DDX60: variants seen among roughly 807,000 people sequenced by gnomAD.
DDX60 encodes DExD/H-box helicase 60.
DDX60 carries 165 observed loss-of-function variants against 212.8 expected under a neutral mutation model. That is an observed-to-expected ratio of 0.78 (90% confidence interval 0.68 to 0.88). DDX60 has a LOEUF of 0.88. DDX60 is among the 40% of genes least tolerant of loss of function. DDX60 has a pLI of 0.00. For synonymous variants in DDX60, 703 were observed against 685.3 expected (o/e 1.03, Z -0.40); for missense variants, 1,905 against 2,003.9 (o/e 0.95, Z 0.94).
At chr4:168,285,928 GAA>G (rs1735816208) in intron 10 of DDX60, among the ~76,000 whole-genome samples, 2 of 133,438 alleles carry the variant, frequency 1.5e-5, no homozygotes, top group Admixed American at 7.9e-5. Flanking sequence ...AGGAAGGAAG[GAA>G]GGAAGGAAGG....
chr4:168,285,196 C>G (rs992288711), intron 11 of DDX60, among the ~76,000 whole-genome samples, 197 bp downstream of exon 11: 3 of 152,088 alleles, frequency 2.0e-5, no homozygotes, highest in Admixed American at 6.5e-5. Flanking sequence ...GTGATTTATT[C>G]TAAGATTAAA....
chr4:168,258,941 T>G (rs552071257), intron 25 of DDX60, among the ~76,000 whole-genome samples: 1 of 152,292 alleles, frequency 6.6e-6, no homozygotes, highest in African/African-American at 2.4e-5. Flanking sequence ...AAAACCTTGT[T>G]AAACTAACTC....
chr4:168,300,297 T>G (rs2149544320), intron 6 of DDX60, among the ~76,000 whole-genome samples: 1 of 152,142 alleles, frequency 6.6e-6, no homozygotes, highest in African/African-American at 2.4e-5. Flanking sequence ...ATCCCAACAC[T>G]TTGGGAGGTC....
intron 8 of DDX60, among the ~76,000 whole-genome samples, chr4:168,289,936 C>G (rs1478113017): frequency 1.3e-5 from 2 of 152,170 alleles, no homozygotes; most frequent in Non-Finnish European, 2.9e-5. Context: ...CCAAGTCCCC[C>G]CTGTTTTGCC....
chr4:168,246,553 T>A lies in DDX60; in HGVS notation c.4029A>T (p.Pro1343=), dbSNP rs763224476. The A allele has an allele frequency of 6.2e-7, 1 of 1,614,090 alleles. No individual in the cohort carries two copies. Among genetic ancestry groups the A allele is most frequent in the Non-Finnish European group, 8.5e-7 (1 of 1,180,000 alleles). Residue 1343 remains proline, a synonymous_variant, in exon 30 of 38, where the codon CCA becomes CCT. Coordinates refer to ENST00000393743, the MANE Select transcript of DDX60 (RefSeq NM_017631.6). ...TTATGAGTTTTCCTATTTTGGGGAA[T>A]GGAATATCAAAGAAATATACATCTC... ...LMGDVYFFDI[P]FPKIGKLIKS...
At chr4:168,282,672 A>G (rs1326051349) in intron 13 of DDX60, among the ~76,000 whole-genome samples, 1 of 152,148 alleles carries the variant, frequency 6.6e-6, no homozygotes, top group Non-Finnish European at 1.5e-5. Flanking sequence ...CCACAGAAAG[A>G]TACTAAAGCC....
chr4:168,237,646 T>C (rs1006554246), intron 31 of DDX60, 45 bp downstream of exon 31: 3 of 1,477,124 alleles, frequency 2.0e-6, no homozygotes, highest in South Asian at 1.2e-5. Context: ...GAAATCTAGA[T>C]AGTAGTAATG....
intron 12 of DDX60, among the ~76,000 whole-genome samples, chr4:168,283,899 T>C (rs913212144): frequency 2.6e-4 from 39 of 152,156 alleles, no homozygotes; most frequent in Non-Finnish European, 3.7e-4. Flanking sequence ...TGAATTAGTT[T>C]AAGAAGAAGG....
chr4:168,288,954 A>G (rs931061310), intron 8 of DDX60, among the ~76,000 whole-genome samples: 2 of 152,186 alleles, frequency 1.3e-5, no homozygotes, highest in African/African-American at 4.8e-5. Flanking sequence ...AGTGTTACCA[A>G]ATATCAGGCA....
chr4:168,225,788 T>A, intron 33 of DDX60, 112 bp from the exon 34 acceptor site: 1 of 935,172 alleles, frequency 1.1e-6, no homozygotes, highest in Non-Finnish European at 1.5e-6. Context: ...AGTTATCTAT[T>A]AATATTTATT....
intron 37 of DDX60, among the ~76,000 whole-genome samples, chr4:168,218,532 T>G (rs1732931527): frequency 6.6e-6 from 1 of 152,164 alleles, no homozygotes; most frequent in African/African-American, 2.4e-5. Flanking sequence ...ACCTACATAT[T>G]TCTGCCACAT....
intron 22 of DDX60, chr4:168,265,355 T>A (rs924171736): frequency 6.6e-6 from 1 of 152,216 alleles, no homozygotes; most frequent in African/African-American, 2.4e-5. Context: ...AGACCAGGAA[T>A]TATTTACTCA....
chr4:168,309,919 CTG>C (rs1230100033), intron 3 of DDX60, among the ~76,000 whole-genome samples: 4 of 152,156 alleles, frequency 2.6e-5, no homozygotes, highest in Non-Finnish European at 5.9e-5. Flanking sequence ...TGTGTAAAGG[CTG>C]TTGGTTTTAT....
chr4:168,229,964 G>A (rs1394169156), intron 33 of DDX60, among the ~76,000 whole-genome samples: 1 of 152,044 alleles, frequency 6.6e-6, no homozygotes, highest in Non-Finnish European at 1.5e-5. Flanking sequence ...AGTATCTGCT[G>A]TCTTCAAGAG....
intron 30 of DDX60, among the ~76,000 whole-genome samples, chr4:168,243,520 C>T (rs1417170058): frequency 6.6e-6 from 1 of 152,194 alleles, no homozygotes; most frequent in Admixed American, 6.5e-5. Context: ...CATCACCACT[C>T]ATTAGAGAAA....
intron 7 of DDX60, 144 bp from the exon 8 acceptor site, chr4:168,292,050 T>TTTCTTTCC: frequency 2.2e-5 from 3 of 137,300 alleles, no homozygotes; most frequent in Admixed American, 1.2e-4. Context: ...TCTTTCTTTC[T>TTTCTTTCC]TTTTTTTTTT....
intron 35 of DDX60, 85 bp from the exon 36 acceptor site, chr4:168,221,966 C>A (rs946954542): frequency 7.3e-7 from 1 of 1,361,486 alleles, no homozygotes; most frequent in Non-Finnish European, 1.0e-6. Context: ...TAGATACATC[C>A]TTTAGTTACC....
intron 15 of DDX60, 71 bp downstream of exon 15, chr4:168,275,944 T>A: frequency 7.6e-7 from 1 of 1,319,238 alleles, no homozygotes; most frequent in Non-Finnish European, 1.0e-6. Flanking sequence ...AAGAGATGAC[T>A]ATCTTTGCAA....
chr4:168,248,396 C>T, intron 28 of DDX60, 104 bp from the exon 29 acceptor site: 1 of 747,028 alleles, frequency 1.3e-6, no homozygotes, highest in East Asian at 3.0e-5. Context: ...TTCAATTAAG[C>T]CACAATGGGA....
Sources: allele counts gnomAD v4.1 joint callset (sites outside exome capture counted in the v4.1 genomes callset), GRCh38; gene constraint gnomAD v4.1.1; transcripts MANE v1.5; gene names NCBI Gene and HGNC (gene_info 2026-07-23, HGNC 2026-07-21).